Variants in FURIN observed in about 807,000 individuals in gnomAD.
The protein encoded by FURIN is FES upstream region.
FURIN carries 18 observed loss-of-function variants against 89.2 expected under a neutral mutation model. The observed-to-expected ratio is 0.20, with a 90% CI of 0.14 to 0.30. The LOEUF is 0.30. Ranked by LOEUF, FURIN falls within the 10% of genes least tolerant of loss-of-function variation. The pLI is 1.00. For missense variants in FURIN, 879 were observed against 1,100.5 expected (o/e 0.80, Z 2.85); for synonymous variants, 508 against 466.4 (o/e 1.09, Z -1.15).
chr15:90,875,807 G>A lies in FURIN; in HGVS notation c.67G>A (p.Asp23Asn). 6.4e-7 allele frequency: 1 copy of A among 1,562,876 alleles called. No individual in the cohort carries two copies. The highest frequency in any genetic ancestry group is 8.7e-7 in the Non-Finnish European group (1 of 1,152,784). ...AGGAACCTTGGTCCTGCTAGCAGCT[G>A]ATGCTCAGGGCCAGAAGGTCTTCAC... ...ATGTLVLLAA[D>N]AQGQKVFTNT... Residue 23 changes from aspartate to asparagine, a missense_variant, in exon 2 of 16, where the codon GAT becomes AAT. By Grantham distance (23) the Asp-to-Asn change is conservative. This residue lies in a region of FURIN where 125 missense variants were observed against 125.0 expected (regional missense o/e 1.00). Coordinates refer to ENST00000268171, the MANE Select transcript of FURIN (RefSeq NM_002569.4).
chr15:90,878,903 C>T lies in FURIN; in HGVS notation c.980C>T (p.Pro327Leu). The T allele has an allele frequency of 6.2e-7, 1 of 1,612,874 alleles. No individual in the cohort carries two copies. Among genetic ancestry groups the T allele is most frequent in the Non-Finnish European group, 8.5e-7 (1 of 1,179,850 alleles). The change falls in exon 9 of 16, where the codon CCG becomes CTG. Residue 327 changes from proline to leucine, a missense_variant. Coordinates refer to ENST00000268171, the MANE Select transcript of FURIN (RefSeq NM_002569.4). ...AGCGCCACGCAGTTTGGCAACGTGC[C>T]GTGGTACAGCGAGGCCTGCTCGTCC... ...ISSATQFGNV[P>L]WYSEACSSTL...
Position 90,880,973 on chromosome 15 carries a change from T to C in FURIN, c.1725T>C (p.Pro575=). Reference sequence around the variant, plus strand: ...CCCTCGTACTCTATGGCACCGCCCCTGAGGGGCTGCCCGTACCTCCAGAAA... The same window carrying C: ...CCCTCGTACTCTATGGCACCGCCCCCGAGGGGCTGCCCGTACCTCCAGAAA... The part of the protein sequence containing the change: ...KFTLVLYGTA[P]EGLPVPPESS... Residue 575 remains proline (P), a synonymous_variant, in exon 15 of 16, where the codon CCT becomes CCC. Transcript: ENST00000268171. The C allele has an allele frequency of 6.2e-7, 1 of 1,614,048 alleles. No individual in the cohort carries two copies. The highest frequency in any genetic ancestry group is 8.5e-7 in the Non-Finnish European group (1 of 1,179,950).
Position 90,881,501 on chromosome 15 carries a change from C to G in FURIN, c.2008C>G (p.Pro670Ala), listed in dbSNP as rs200450029. ...LSCPSHASLD[P>A]VEQTCSRQSQ... ...CTGCCCCAGCCACGCCTCCTTGGAC[C>G]CTGTGGAGCAGACTTGCTCCCGGCA... The change falls in exon 16 of 16, where the codon CCT becomes GCT. Residue 670 changes from proline to alanine, a missense_variant. Around this residue, in one of 5 missense-constraint regions of FURIN, gnomAD observed 457 missense variants for 490.7 expected, o/e 0.93. Transcript: ENST00000268171. The surrounding 1 kb of genome is among the most constrained non-coding windows in gnomAD (Gnocchi z 4.3). The G allele has an allele frequency of 2.5e-6, 4 of 1,612,006 alleles. No individual in the cohort carries two copies. In the East Asian group the frequency reaches 8.9e-5, roughly 36 times the overall value.
At position 90,874,146 on chromosome 15, in the gene FURIN, TC is replaced by T. The variant is rs577395075; in HGVS notation, c.-159-1429del. On this transcript the variant is annotated intron_variant, in intron 1 of 15. Coordinates refer to ENST00000268171, the MANE Select transcript of FURIN (RefSeq NM_002569.4). Reference sequence around the variant, plus strand: ...AGCACTGCTGGGACCTCCCCTAGCTTCCCCCCCTTCCTCCAGGGCCTTGGCT... The same window carrying T: ...AGCACTGCTGGGACCTCCCCTAGCTTCCCCCCTTCCTCCAGGGCCTTGGCT... Among the ~76,000 whole-genome samples the T allele has an allele frequency of 2.1e-3, 313 of 152,204 alleles. 2 individuals carry two copies. The highest frequency in any genetic ancestry group is 7.3e-3 in the African/African-American group (302 of 41,534).
chr15:90,880,572 C>A, intron 13 of FURIN, 119 bp from the exon 14 acceptor site: 1 of 1,137,282 alleles, frequency 8.8e-7, no homozygotes, highest in Non-Finnish European at 1.2e-6. Context: ...GCAGGCACTT[C>A]TGGCCCCATG....
intron 11 of FURIN, 46 bp from the exon 12 acceptor site, chr15:90,879,821 G>A (rs376187141): frequency 6.8e-6 from 11 of 1,606,728 alleles, no homozygotes; most frequent in Non-Finnish European, 9.4e-6. Context: ...TTAGGTAGAA[G>A]GCACTCTGTG....
In FURIN at chr15:90,876,650, T is replaced by G. The variant is rs763119276; in HGVS notation, c.372+93T>G. The G allele has an allele frequency of 3.3e-6, 3 of 903,282 alleles. No homozygotes were observed. Among genetic ancestry groups the G allele is most frequent in the Non-Finnish European group, 5.4e-6 (3 of 552,828 alleles). 56.0% of individuals were successfully genotyped at this position (903,282 alleles called of 1,614,324 possible). ...GATGGAGGAGGCTGTCTTCGAGGCCTCCTCTGATTCGTTTCCTTTCCTCCT... is the reference window on the plus strand; with the variant it reads ...GATGGAGGAGGCTGTCTTCGAGGCCGCCTCTGATTCGTTTCCTTTCCTCCT... On this transcript the variant is annotated intron_variant, in intron 4 of 15. Transcript: ENST00000268171. The surrounding 1 kb of genome is among the most constrained non-coding windows in gnomAD (Gnocchi z 5.0).
intron 10 of FURIN, 41 bp from the exon 11 acceptor site, chr15:90,879,629 CA>C: frequency 6.3e-7 from 1 of 1,586,302 alleles, no homozygotes; most frequent in Non-Finnish European, 8.7e-7. Context: ...GAGCTGCTCC[CA>C]AAAAAGACTG....
In FURIN at chr15:90,882,221, C is replaced by G; in HGVS notation, c.*343C>G. 3.2e-6 allele frequency: 1 copy of G among 313,346 alleles called. No individual in the cohort carries two copies. The highest frequency in any genetic ancestry group is 3.4e-5 in the South Asian group (1 of 29,150). 19.4% of individuals were successfully genotyped at this position (313,346 alleles called of 1,614,324 possible). A position where few individuals can be genotyped will look rare whatever the true frequency, so the allele number is the denominator to read the frequency against. On this transcript the variant is annotated 3_prime_UTR_variant, in exon 16 of 16. Coordinates refer to ENST00000268171, the MANE Select transcript of FURIN (RefSeq NM_002569.4). ...GGGATTCCTGACCCAGGCCGCAGCTCTTGCCCTTCCCTGTCCCTCTAAAGC... is the reference window on the plus strand; with the variant it reads ...GGGATTCCTGACCCAGGCCGCAGCTGTTGCCCTTCCCTGTCCCTCTAAAGC...
chr15:90,875,007 T>G (rs59596774), intron 1 of FURIN, among the ~76,000 whole-genome samples: 8,117 of 151,678 alleles, frequency 0.054, 329 homozygotes, highest in East Asian at 0.11. Context: ...TTGATAGTCT[T>G]CATCCTGCTT....
At position 90,876,609 on chromosome 15, in the gene FURIN, C is replaced by G. The variant is rs773521124; in HGVS notation, c.372+52C>G. On this transcript the variant is annotated intron_variant, in intron 4 of 15. Transcript: ENST00000268171. This position sits in a 1 kb window ranked among gnomAD's most constrained non-coding sequence, Gnocchi z 5.0. ...CCTCCTCCCCAGATGCACCATCCAC[C>G]CACTATGAGCTCTTGGATGGAGGAG... The G allele has an allele frequency of 8.6e-7, 1 of 1,165,970 alleles. No individual in the cohort carries two copies. The highest frequency in any genetic ancestry group is 1.2e-5 in the South Asian group (1 of 80,798). The allele number at this position is 1,165,970 out of a possible 1,614,324, so 72.2% of individuals were successfully genotyped here. A position where few individuals can be genotyped will look rare whatever the true frequency, so the allele number is the denominator to read the frequency against.
In FURIN at chr15:90,880,918, G is replaced by A. The variant is rs756026356; in HGVS notation, c.1682-12G>A. The A allele has an allele frequency of 1.9e-5, 30 of 1,612,796 alleles. No individual in the cohort carries two copies. Among genetic ancestry groups the A allele is most frequent in the Middle Eastern group, 3.3e-4 (2 of 6,074 alleles). ...CTGTCTTAACTCTTGCCTCCTCCCC[G>A]CTCTGGAACAGGGACGCTGACCAAG... is the stretch of plus-strand genomic sequence containing the variant. On this transcript the variant is annotated splice_polypyrimidine_tract_variant and intron_variant, in intron 14 of 15. Transcript: ENST00000268171.
intron 7 of FURIN, among the ~76,000 whole-genome samples, chr15:90,877,833 C>A (rs141645121): frequency 6.6e-6 from 1 of 152,212 alleles, no homozygotes; most frequent in Admixed American, 6.5e-5. Context: ...TCCTCACGAC[C>A]CACTGTGAGT....
rs752150238 is a variant in FURIN at position 90,879,473 on chromosome 15, G to A, written c.1083G>A (p.Thr361=). The A allele has an allele frequency of 5.6e-6, 9 of 1,613,170 alleles. No individual in the cohort carries two copies. The highest frequency in any genetic ancestry group is 1.3e-5 in the African/African-American group (1 of 74,886). Residue 361 remains threonine, a synonymous_variant, in exon 10 of 16, where the codon ACG becomes ACA. Coordinates refer to ENST00000268171, the MANE Select transcript of FURIN (RefSeq NM_002569.4). The stretch of plus-strand genomic sequence containing the variant: ...CGACTGACTTGCGGCAGAAGTGCAC[G>A]GAGTCTCACACGGGCACCTCAGCCT... ...IVTTDLRQKC[T]ESHTGTSASA...
In FURIN at chr15:90,876,567, C is replaced by G; in HGVS notation, c.372+10C>G. On this transcript the variant is annotated intron_variant, in intron 4 of 15. Coordinates refer to ENST00000268171, the MANE Select transcript of FURIN (RefSeq NM_002569.4). This position sits in a 1 kb window ranked among gnomAD's most constrained non-coding sequence, Gnocchi z 5.0. ...TCAGCAGTGGTACCTGGTACGTGGCCTTCTTCGCTGCTGGGACCTCCTCCC... is the reference window on the plus strand; with the variant it reads ...TCAGCAGTGGTACCTGGTACGTGGCGTTCTTCGCTGCTGGGACCTCCTCCC... The G allele has an allele frequency of 6.4e-7, 1 of 1,565,032 alleles. No individual in the cohort carries two copies. The highest frequency in any genetic ancestry group is 1.1e-5 in the South Asian group (1 of 90,060).
intron 7 of FURIN, 150 bp from the exon 8 acceptor site, chr15:90,877,982 G>T: frequency 1.5e-6 from 1 of 677,138 alleles, no homozygotes. Context: ...AGGCAAACAG[G>T]TAGTTGGGGG....
rs138111870 is a variant in FURIN, at chr15:90,877,508, A to C, written c.579-19A>C. Reference sequence around the variant, plus strand: ...TCACCCCATTTGTTCTACTCATGCTACGTGCTTGGCCCTGGCAGGCACGGC... The same window carrying C: ...TCACCCCATTTGTTCTACTCATGCTCCGTGCTTGGCCCTGGCAGGCACGGC... On this transcript the variant is annotated intron_variant, in intron 6 of 15. Coordinates refer to ENST00000268171, the MANE Select transcript of FURIN (RefSeq NM_002569.4). 6.6e-3 allele frequency: 10,259 copies of C among 1,551,082 alleles called. 46 individuals carry two copies. The highest frequency in any genetic ancestry group is 7.7e-3 in the Non-Finnish European group (8,856 of 1,145,318).
Position 90,881,501 on chromosome 15 carries a change from C to T in FURIN, c.2008C>T (p.Pro670Ser). 6.2e-7 allele frequency: 1 copy of T among 1,612,006 alleles called. No homozygotes were observed. The highest frequency in any genetic ancestry group is 8.5e-7 in the Non-Finnish European group (1 of 1,179,726). The change falls in exon 16 of 16, where the codon CCT becomes TCT. Residue 670 changes from proline (P) to serine (S), a missense_variant. Transcript: ENST00000268171. The surrounding 1 kb of genome is among the most constrained non-coding windows in gnomAD (Gnocchi z 4.3). The stretch of plus-strand genomic sequence containing the variant: ...CTGCCCCAGCCACGCCTCCTTGGAC[C>T]CTGTGGAGCAGACTTGCTCCCGGCA... ...LSCPSHASLD[P>S]VEQTCSRQSQ...
At position 90,877,693 on chromosome 15, in the gene FURIN, A is replaced by G. The variant is rs113446259; in HGVS notation, c.667+78A>G. ...TTTCCCGCCCACTTCCCATCTGGCC[A>G]ATGCCTGCCACTTTCCCACTGTGGA... is the stretch of plus-strand genomic sequence containing the variant. On this transcript the variant is annotated intron_variant, in intron 7 of 15. Coordinates refer to ENST00000268171, the MANE Select transcript of FURIN (RefSeq NM_002569.4). 455 of 980,104 alleles carry G rather than the reference A, an allele frequency of 4.6e-4. 3 individuals are homozygous for G. In the African/African-American group the frequency reaches 6.5e-3, roughly 14 times the overall value. 60.7% of individuals were successfully genotyped at this position (980,104 alleles called of 1,614,324 possible). A position where few individuals can be genotyped will look rare whatever the true frequency, so the allele number is the denominator to read the frequency against.
Sources: gnomAD v4.1 joint callset for allele counts (sites outside exome capture counted in the v4.1 genomes callset) on GRCh38, gnomAD v4.1.1 for gene constraint, gnomAD v4.1.1 regional missense constraint, Gnocchi (gnomAD v3.1) non-coding constraint, MANE v1.5 for transcripts, NCBI Gene and HGNC (gene_info 2026-07-23, HGNC 2026-07-21) for gene names.